The following CORO2B variants were observed in gnomAD, a reference collection of about 807,000 sequenced individuals.
CORO2B encodes the protein coronin-2B.
A neutral mutation model predicts 58.8 loss-of-function variants in CORO2B; 26 were observed. The observed-to-expected ratio is 0.44, with a 90% CI of 0.32 to 0.61. The LOEUF (loss-of-function observed/expected upper bound fraction) is 0.61, where lower values mean the gene tolerates loss of function less well. CORO2B is among the 20% of genes least tolerant of loss of function. The pLI is 0.04. For missense variants in CORO2B, 460 were observed against 645.1 expected (o/e 0.71, Z 3.11); for synonymous variants, 242 against 253.8 (o/e 0.95, Z 0.44).
chr15:68,654,164 G>T (rs759515203), intron 2 of CORO2B, among the ~76,000 whole-genome samples: 1 of 152,200 alleles, frequency 6.6e-6, no homozygotes, highest in Non-Finnish European at 1.5e-5. Flanking sequence ...TTTTTTGGAA[G>T]AATGGCTGCT....
Position 68,624,272 on chromosome 15 carries a change from G to A in CORO2B, c.16-20888G>A, listed in dbSNP as rs75420806. Among the ~76,000 whole-genome samples the A allele has an allele frequency of 6.1e-3, 930 of 152,252 alleles. 5 individuals are homozygous for A. The highest frequency in any genetic ancestry group is 0.014 in the Admixed American group (221 of 15,284). ...TGTGAGACTGCAGTCCCAGCTGCTC[G>A]GGAGGCTGAGGCAGGAGGATCCCTT... On this transcript the variant is annotated intron_variant, in intron 1 of 11. Coordinates refer to ENST00000261861, the MANE Select transcript of CORO2B (RefSeq NM_006091.5).
chr15:68,675,247 G>A (rs560986910), intron 2 of CORO2B, among the ~76,000 whole-genome samples: 32 of 152,274 alleles, frequency 2.1e-4, no homozygotes, highest in Admixed American at 7.2e-4. Flanking sequence ...TTCCCCTTGC[G>A]GCAGCTGCCT....
At chr15:68,725,749 C>T (rs979316279) in intron 11 of CORO2B, 94 bp from the exon 12 acceptor site, 34 of 1,529,652 alleles carry the variant, frequency 2.2e-5, no homozygotes, top group African/African-American at 6.9e-5. Flanking sequence ...TGTGAGGGCA[C>T]GGGCGGCAGG....
At chr15:68,724,231 A>G (rs1451167823) in intron 11 of CORO2B, among the ~76,000 whole-genome samples, 2 of 152,152 alleles carry the variant, frequency 1.3e-5, no homozygotes, top group Non-Finnish European at 2.9e-5. Flanking sequence ...AATAATAAAA[A>G]TAAAACATAT....
At chr15:68,605,820 G>C (rs1900104847) in intron 1 of CORO2B, among the ~76,000 whole-genome samples, 1 of 150,960 alleles carries the variant, frequency 6.6e-6, no homozygotes, top group Non-Finnish European at 1.5e-5. Context: ...CACCTCCCGG[G>C]TTCAAGCAAT....
At chr15:68,596,516 T>C (rs1418432613) in intron 1 of CORO2B, among the ~76,000 whole-genome samples, 1 of 151,986 alleles carries the variant, frequency 6.6e-6, no homozygotes, top group African/African-American at 2.4e-5. Flanking sequence ...GCAGGCCTGG[T>C]CTGGTGGGAA....
chr15:68,623,383 A>G (rs1208402733), intron 1 of CORO2B, among the ~76,000 whole-genome samples: 3 of 152,050 alleles, frequency 2.0e-5, no homozygotes, highest in African/African-American at 7.2e-5. Flanking sequence ...CCACCATTGG[A>G]AGGTCATGTG....
intron 1 of CORO2B, among the ~76,000 whole-genome samples, chr15:68,604,157 C>T (rs1157544501): frequency 2.0e-5 from 3 of 152,182 alleles, no homozygotes; most frequent in East Asian, 1.9e-4. Context: ...CGCCCCTCGT[C>T]GTTCTTATCA....
At chr15:68,723,594 C>G (rs1893219478) in intron 11 of CORO2B, among the ~76,000 whole-genome samples, 2 of 151,854 alleles carry the variant, frequency 1.3e-5, no homozygotes, top group African/African-American at 4.8e-5. Context: ...GCTGGGATTA[C>G]AGGCACCTGC....
At chr15:68,669,113 G>A (rs1259331743) in intron 2 of CORO2B, among the ~76,000 whole-genome samples, 1 of 146,296 alleles carries the variant, frequency 6.8e-6, no homozygotes, top group Non-Finnish European at 1.5e-5. Flanking sequence ...GAAGGAAGGA[G>A]GGAAGGAAGG....
the CORO2B span, among the ~76,000 whole-genome samples, chr15:68,540,413 A>G: frequency 6.6e-6 from 1 of 152,224 alleles, no homozygotes; most frequent in Non-Finnish European, 1.5e-5. Flanking sequence ...ATTGTCAATT[A>G]TTTTCCTTGA....
chr15:68,624,059 G>A (rs1900606224), intron 1 of CORO2B, among the ~76,000 whole-genome samples: 2 of 152,100 alleles, frequency 1.3e-5, no homozygotes, highest in Admixed American at 1.3e-4. Context: ...TGGGGTGGCG[G>A]GTCCTGCTGT....
intron 1 of CORO2B, among the ~76,000 whole-genome samples, chr15:68,588,356 C>T (rs1899619206): frequency 6.6e-6 from 1 of 152,206 alleles, no homozygotes; most frequent in Admixed American, 6.5e-5. Flanking sequence ...TTTCTCTCTT[C>T]CTGTTCTGTC....
At chr15:68,635,018 TG>T (rs1043682239) in intron 1 of CORO2B, among the ~76,000 whole-genome samples, 1 of 152,186 alleles carries the variant, frequency 6.6e-6, no homozygotes, top group Non-Finnish European at 1.5e-5. Flanking sequence ...TTCTGCAGGC[TG>T]GAAGTGGGGC....
chr15:68,724,654 G>A (rs748993509), intron 11 of CORO2B, among the ~76,000 whole-genome samples: 5 of 152,090 alleles, frequency 3.3e-5, no homozygotes, highest in Non-Finnish European at 7.3e-5. Flanking sequence ...ATTTAATTAA[G>A]TTTTTATAGA....
upstream of CORO2B, among the ~76,000 whole-genome samples, chr15:68,578,649 T>A (rs945172488): frequency 6.6e-6 from 1 of 152,018 alleles, no homozygotes; most frequent in Non-Finnish European, 1.5e-5. The surrounding 1 kb of genome is among the most constrained non-coding windows in gnomAD (Gnocchi z 4.2). Context: ...GCGCAGCGCC[T>A]CGGCCGTCCA....
chr15:68,565,003 C>T, the CORO2B span, among the ~76,000 whole-genome samples: 2 of 152,028 alleles, frequency 1.3e-5, no homozygotes, highest in East Asian at 1.9e-4. Context: ...AAAACCTATC[C>T]TTATAGTTAA....
chr15:68,681,883 C>G (rs563189551), intron 2 of CORO2B, among the ~76,000 whole-genome samples: 1 of 152,102 alleles, frequency 6.6e-6, no homozygotes, highest in Non-Finnish European at 1.5e-5. Flanking sequence ...CACCCCCAAC[C>G]CCAGTCCTCT....
At chr15:68,679,499 A>G (rs1244010266) in intron 2 of CORO2B, among the ~76,000 whole-genome samples, 1 of 152,240 alleles carries the variant, frequency 6.6e-6, no homozygotes, top group African/African-American at 2.4e-5. Flanking sequence ...TGCAGAGCAC[A>G]GAGGCAGAGG....
Sources: gnomAD v4.1 joint callset for allele counts (sites outside exome capture counted in the v4.1 genomes callset) on GRCh38, gnomAD v4.1.1 for gene constraint, Gnocchi (gnomAD v3.1) non-coding constraint, MANE v1.5 for transcripts, NCBI Gene and HGNC (gene_info 2026-07-23, HGNC 2026-07-21) for gene names.